The following IL6ST variants were observed in gnomAD, a reference collection of about 807,000 sequenced individuals.
IL6ST encodes interleukin 6 cytokine family signal transducer.
A neutral mutation model predicts 91.3 loss-of-function variants in IL6ST; 24 were observed. The ratio of observed to expected loss-of-function variants is 0.26; its 90% CI spans 0.19 to 0.37. The LOEUF (loss-of-function observed/expected upper bound fraction) is 0.37, where lower values mean the gene tolerates loss of function less well. Ranked by LOEUF, IL6ST falls within the 10% of genes least tolerant of loss-of-function variation. The probability of loss-of-function intolerance (pLI) is 1.00; values close to 1 mark genes in which losing one functional copy is unlikely to be tolerated. For synonymous variants in IL6ST, 351 were observed against 373.6 expected (o/e 0.94, Z 0.70); for missense variants, 914 against 1,078.5 (o/e 0.85, Z 2.14).
At chr5:55,945,040 C>T (rs904727273) in intron 15 of IL6ST, among the ~76,000 whole-genome samples, 1 of 71,908 alleles carries the variant, frequency 1.4e-5, no homozygotes, top group Non-Finnish European at 3.7e-5. Flanking sequence ...GGAATTAAAT[C>T]AAAAAAAAAA....
Position 55,942,670 on chromosome 5 carries a change from C to T in IL6ST, c.2019G>A (p.Arg673=), listed in dbSNP as rs373846785. ...ACAACTCAGAAGCATTTTCTCTTAC[C>T]CTTGGAGGAGTGTGAGGTGACCACT... ...IAQWSPHTPP[R]HNFNSKDQMY... Residue 673 remains arginine (R), a splice_region_variant and synonymous_variant, in exon 16 of 17, where the codon AGG becomes AGA. Coordinates refer to ENST00000381298, the MANE Select transcript of IL6ST (RefSeq NM_002184.4). 3.2e-6 allele frequency: 5 copies of T among 1,562,658 alleles called. No individual in the cohort carries two copies. The highest frequency in any genetic ancestry group is 2.7e-5 in the African/African-American group (2 of 73,774).
chr5:55,984,002 T>C (rs980684183), intron 1 of IL6ST, among the ~76,000 whole-genome samples: 4 of 148,788 alleles, frequency 2.7e-5, no homozygotes, highest in African/African-American at 7.7e-5. Context: ...TATACCCCTT[T>C]ACTGATTTTT....
rs142071113 is a variant in IL6ST at position 55,984,022 on chromosome 5, A to G, written c.-103-1211T>C. 3.3e-4 allele frequency among the ~76,000 whole-genome samples: 49 copies of G among 147,800 alleles called. 1 individual carries two copies. The highest frequency in any genetic ancestry group is 2.5e-3 in the East Asian group (13 of 5,152). On this transcript the variant is annotated intron_variant, in intron 1 of 16. Coordinates refer to ENST00000381298, the MANE Select transcript of IL6ST (RefSeq NM_002184.4). The stretch of plus-strand genomic sequence containing the variant: ...CCCTTTACTGATTTTTTTTTTTTCT[A>G]CAACACTTAACACCTTCTAAAATAG...
At position 55,941,816 on chromosome 5, in the gene IL6ST, T is replaced by C. The variant is rs773371617; in HGVS notation, c.2023A>G (p.Asn675Asp). The change falls in exon 17 of 17, where the codon AAT becomes GAT. Residue 675 changes from asparagine (N) to aspartate (D), a missense_variant. Coordinates refer to ENST00000381298, the MANE Select transcript of IL6ST (RefSeq NM_002184.4). ...TACATTTGATCTTTTGAATTAAAAT[T>C]GTGCTAAGGAAGAGAAAAAATTGTA... is the stretch of plus-strand genomic sequence containing the variant. Reference protein sequence around the residue: ...QWSPHTPPRHNFNSKDQMYSD... With the variant: ...QWSPHTPPRHDFNSKDQMYSD... 2.9e-5 allele frequency: 47 copies of C among 1,607,344 alleles called. No homozygotes were observed. Among genetic ancestry groups the C allele is most frequent in the Non-Finnish European group, 4.0e-5 (47 of 1,177,432 alleles).
intron 1 of IL6ST, among the ~76,000 whole-genome samples, chr5:55,992,480 C>A (rs1309433244): frequency 6.6e-6 from 1 of 152,032 alleles, no homozygotes; most frequent in East Asian, 1.9e-4. Flanking sequence ...GGATTTTATC[C>A]TATTATTATT....
At position 55,960,494 on chromosome 5, in the gene IL6ST, T is replaced by C; in HGVS notation, c.881A>G (p.Glu294Gly). 1 of 1,613,946 alleles carries C rather than the reference T, an allele frequency of 6.2e-7. No individual in the cohort carries two copies. Among genetic ancestry groups the C allele is most frequent in the Non-Finnish European group, 8.5e-7 (1 of 1,179,822 alleles). Residue 294 changes from glutamate (E) to glycine (G), a missense_variant, in exon 8 of 17, where the codon GAA becomes GGA. Coordinates refer to ENST00000381298, the MANE Select transcript of IL6ST (RefSeq NM_002184.4). ...CATACAGCGAATCCTAAACACATATTCTGTAAAAGGTTTAAGGTCTTGGAC... is the reference window on the plus strand; with the variant it reads ...CATACAGCGAATCCTAAACACATATCCTGTAAAAGGTTTAAGGTCTTGGAC... ...FTVQDLKPFTEYVFRIRCMKE... is the reference protein window; with the variant it reads ...FTVQDLKPFTGYVFRIRCMKE...
chr5:55,951,741 A>C, intron 13 of IL6ST, 137 bp from the exon 14 acceptor site: 1 of 883,178 alleles, frequency 1.1e-6, no homozygotes, highest in Non-Finnish European at 1.7e-6. Context: ...GTTCTGACAT[A>C]ATTTTATGTT....
At chr5:55,949,958 C>G (rs1180408830) in intron 14 of IL6ST, among the ~76,000 whole-genome samples, 2 of 152,108 alleles carry the variant, frequency 1.3e-5, no homozygotes, top group East Asian at 1.9e-4. Flanking sequence ...AGGGAAGATA[C>G]AGAAGAGCCA....
intron 7 of IL6ST, among the ~76,000 whole-genome samples, chr5:55,962,258 T>C (rs1310727870): frequency 4.6e-5 from 7 of 152,158 alleles, no homozygotes; most frequent in Admixed American, 3.3e-4. Flanking sequence ...TTCTGAGCAC[T>C]TTAGATAAGT....
At chr5:55,954,037 T>G (rs1751809229) in intron 11 of IL6ST, among the ~76,000 whole-genome samples, 1 of 152,142 alleles carries the variant, frequency 6.6e-6, no homozygotes, top group African/African-American at 2.4e-5. Flanking sequence ...TTTCAGGACT[T>G]CCTAAGCTCC....
intron 11 of IL6ST, among the ~76,000 whole-genome samples, chr5:55,952,800 G>A (rs557379332): frequency 1.7e-3 from 255 of 152,274 alleles, no homozygotes; most frequent in Non-Finnish European, 1.6e-3. Context: ...TGTGGCTCAC[G>A]TCTGTAATCC....
Position 55,961,002 on chromosome 5 carries a change from G to A in IL6ST, c.814-441C>T, listed in dbSNP as rs528065823. The stretch of plus-strand genomic sequence containing the variant: ...CTGGAGCTCAATGGTGCAATGGCGC[G>A]ATCTCAGCTCACTGCAACCTCCGCC... On this transcript the variant is annotated intron_variant, in intron 7 of 16. Transcript: ENST00000381298. 3.7e-4 allele frequency among the ~76,000 whole-genome samples: 55 copies of A among 150,558 alleles called. No individual in the cohort carries two copies. In the South Asian group the frequency reaches 7.6e-3, roughly 21 times the overall value.
chr5:55,972,833 C>T (rs1057330623), intron 3 of IL6ST, among the ~76,000 whole-genome samples: 7 of 151,312 alleles, frequency 4.6e-5, no homozygotes, highest in African/African-American at 1.7e-4. Flanking sequence ...GGTGAAATCC[C>T]GTCTCTACTA....
chr5:55,969,671 G>A lies in IL6ST; in HGVS notation c.249C>T (p.Asn83=), dbSNP rs768511842. The change falls in exon 4 of 17, where the codon AAC becomes AAT. Residue 83 remains asparagine (N), a synonymous_variant. Transcript: ENST00000381298. ...TIPKEQYTII[N]RTASSVTFTD... ...TAAAGGTGACACTGGATGCTGTTCT[G>A]TTTATGATAGTATATTGCTCCTTAG... 2 of 1,612,046 alleles carry A rather than the reference G, an allele frequency of 1.2e-6. No individual in the cohort carries two copies. The highest frequency in any genetic ancestry group is 1.7e-5 in the Admixed American group (1 of 60,012).
chr5:55,973,072 A>C (rs1329504041), intron 3 of IL6ST, among the ~76,000 whole-genome samples: 1 of 152,128 alleles, frequency 6.6e-6, no homozygotes, highest in Non-Finnish European at 1.5e-5. Flanking sequence ...AACATTATGA[A>C]ATTGCTGATA....
At chr5:55,991,193 T>C (rs910212144) in intron 1 of IL6ST, among the ~76,000 whole-genome samples, 2 of 152,334 alleles carry the variant, frequency 1.3e-5, no homozygotes, top group Non-Finnish European at 2.9e-5. Flanking sequence ...AGTGCTGCAA[T>C]AAACATACGT....
intron 15 of IL6ST, among the ~76,000 whole-genome samples, chr5:55,943,065 T>C (rs924314779): frequency 1.3e-5 from 2 of 152,158 alleles, no homozygotes; most frequent in Non-Finnish European, 2.9e-5. Flanking sequence ...AGGCCACATG[T>C]TGTGGTATTC....
At chr5:55,953,223 T>C (rs1751751186) in intron 11 of IL6ST, among the ~76,000 whole-genome samples, 1 of 152,236 alleles carries the variant, frequency 6.6e-6, no homozygotes, top group Non-Finnish European at 1.5e-5. Flanking sequence ...CTATTACTCA[T>C]GAAGTTACAT....
chr5:55,952,398 G>T (rs1226268543), intron 11 of IL6ST, 47 bp from the exon 12 acceptor site: 4 of 1,110,108 alleles, frequency 3.6e-6, no homozygotes, highest in African/African-American at 1.5e-5. Flanking sequence ...TAATGAAAAA[G>T]TCAAGTTAAT....
Sources: gnomAD v4.1 joint callset for allele counts (sites outside exome capture counted in the v4.1 genomes callset) on GRCh38, gnomAD v4.1.1 for gene constraint, MANE v1.5 for transcripts, NCBI Gene and HGNC (gene_info 2026-07-23, HGNC 2026-07-21) for gene names.